Variants in HSPA12B observed in about 807,000 individuals in gnomAD.
The protein encoded by HSPA12B is heat shock protein family A (Hsp70) member 12B.
HSPA12B carries 54 observed loss-of-function variants against 69.3 expected under a neutral mutation model. The observed-to-expected ratio is 0.78, with a 90% confidence interval of 0.63 to 0.98. HSPA12B has a LOEUF of 0.98. Ranked by LOEUF, HSPA12B falls within the 50% of genes least tolerant of loss-of-function variation. HSPA12B has a pLI of 0.00. For missense variants in HSPA12B, 929 were observed against 999.8 expected (o/e 0.93, Z 0.96); for synonymous variants, 441 against 436.5 (o/e 1.01, Z -0.13).
chr20:3,734,355 G>C (rs1344675121), intron 1 of HSPA12B, among the ~76,000 whole-genome samples: 1 of 152,224 alleles, frequency 6.6e-6, no homozygotes, highest in Non-Finnish European at 1.5e-5. Context: ...CTGATGACTA[G>C]AGGTCAATAT....
Position 3,750,064 on chromosome 20 carries a change from CG to C in HSPA12B, c.1140del (p.Pro381ArgfsTer5). ...EDFIATFKRQRPAAWVDLTIA... is the reference protein window; with the variant it reads ...EDFIATFKRQXPAAWVDLTIA... ...CTTCATCGCCACCTTCAAAAGGCAACGGCCGGCAGCCTGGGTAGATCTGACC... is the reference window on the plus strand; with the variant it reads ...CTTCATCGCCACCTTCAAAAGGCAACGCCGGCAGCCTGGGTAGATCTGACC... On this transcript the variant is annotated frameshift_variant, in exon 11 of 13. Coordinates refer to ENST00000254963, the MANE Select transcript of HSPA12B (RefSeq NM_052970.5). LOFTEE classifies it high-confidence loss of function. 6.2e-7 allele frequency: 1 copy of C among 1,610,982 alleles called. No homozygotes were observed. The highest frequency in any genetic ancestry group is 8.5e-7 in the Non-Finnish European group (1 of 1,179,130).
In HSPA12B at chr20:3,744,906, T is replaced by C. The variant is rs140210757; in HGVS notation, c.271T>C (p.Trp91Arg). The change falls in exon 5 of 13, where the codon TGG (tryptophan) becomes CGG (arginine). Residue 91 changes from tryptophan (W) to arginine (R), a missense_variant. By Grantham distance (101) the Trp-to-Arg change is moderately radical. Around this residue, in one of 3 missense-constraint regions of HSPA12B, gnomAD observed 477 missense variants for 535.2 expected, o/e 0.89. Transcript: ENST00000254963. The surrounding 1 kb of genome is among the most constrained non-coding windows in gnomAD (Gnocchi z 4.9). ...DPEAIHMMRK[W>R]EGGDPGVAHQ... ...GACTGCCCTGTGCCTCCGCAGGAAA[T>C]GGGAGGGCGGAGACCCGGGCGTGGC... 376 of 1,612,168 alleles carry C rather than the reference T, an allele frequency of 2.3e-4. 4 individuals carry two copies. The African/African-American group carries it at 4.6e-3, about 20-fold the overall frequency.
At position 3,740,958 on chromosome 20, in the gene HSPA12B, G is replaced by A. The variant is rs1336647571; in HGVS notation, c.141+46G>A. 6.5e-7 allele frequency: 1 copy of A among 1,528,236 alleles called. No individual in the cohort carries two copies. The highest frequency in any genetic ancestry group is 1.8e-5 in the Admixed American group (1 of 56,362). 94.7% of individuals were successfully genotyped at this position (1,528,236 alleles called of 1,614,324 possible). A position where few individuals can be genotyped will look rare whatever the true frequency, so the allele number is the denominator to read the frequency against. Reference sequence around the variant, plus strand: ...AGGTGGTGGGTGACCTGGCTGGTGTGGACAGGGTCGTGCGTGGCAAAGTCA... The same window carrying A: ...AGGTGGTGGGTGACCTGGCTGGTGTAGACAGGGTCGTGCGTGGCAAAGTCA... On this transcript the variant is annotated intron_variant, in intron 3 of 12. Transcript: ENST00000254963. The surrounding 1 kb of genome is among the most constrained non-coding windows in gnomAD (Gnocchi z 4.9).
At chr20:3,748,528 C>A in intron 8 of HSPA12B, 137 bp downstream of exon 8, 2 of 838,872 alleles carry the variant, frequency 2.4e-6, no homozygotes, top group Non-Finnish European at 3.4e-6. Flanking sequence ...AGAAACATGG[C>A]TGGTGGAGCC....
At position 3,752,216 on chromosome 20, in the gene HSPA12B, C is replaced by G; in HGVS notation, c.*50C>G. On this transcript the variant is annotated 3_prime_UTR_variant, in exon 13 of 13. Coordinates refer to ENST00000254963, the MANE Select transcript of HSPA12B (RefSeq NM_052970.5). ...CCGTCTGCCCGGCCCCGCCCTCTTT[C>G]GGTTCAGGGGCCTGCGGAGCGGGTT... The G allele has an allele frequency of 7.0e-7, 1 of 1,423,784 alleles. No homozygotes were observed. The highest frequency in any genetic ancestry group is 1.5e-5 in the African/African-American group (1 of 66,884). 88.2% of individuals were successfully genotyped at this position (1,423,784 alleles called of 1,614,324 possible). A position where few individuals can be genotyped will look rare whatever the true frequency, so the allele number is the denominator to read the frequency against.
Position 3,742,375 on chromosome 20 carries a change from T to C in HSPA12B, c.233T>C (p.Phe78Ser). 6.2e-7 allele frequency: 1 copy of C among 1,613,912 alleles called. No homozygotes were observed. Among genetic ancestry groups the C allele is most frequent in the South Asian group, 1.1e-5 (1 of 91,064 alleles). Residue 78 changes from phenylalanine (F) to serine (S), a missense_variant, in exon 4 of 13, where the codon TTT (phenylalanine) becomes TCT (serine). By Grantham distance (155) the Phe-to-Ser change is radical. Around this residue, in one of 3 missense-constraint regions of HSPA12B, gnomAD observed 477 missense variants for 535.2 expected, o/e 0.89. Transcript: ENST00000254963. ...ACGTCTAGTGGCTATGCTTTCAGCT[T>C]TGCCAGTGACCCTGAGGCCATCCAC... ...GTTSSGYAFS[F>S]ASDPEAIHMM...
rs751778150 is a variant in HSPA12B at position 3,745,029 on chromosome 20, G to A, written c.394G>A (p.Glu132Lys). Residue 132 changes from glutamate to lysine, a missense_variant, in exon 5 of 13, where the codon GAA (glutamate) becomes AAA (lysine). Physicochemically the swap from Glu to Lys is moderately conservative, Grantham distance 56. Coordinates refer to ENST00000254963, the MANE Select transcript of HSPA12B (RefSeq NM_052970.5). The surrounding 1 kb of genome is among the most constrained non-coding windows in gnomAD (Gnocchi z 5.6). ...CGATTACTACCATGACCTGGACCCC[G>A]AAGAGGCGCGGGACTGGCTCTACTT... ...ARDYYHDLDP[E>K]EARDWLYFEK... is the part of the protein sequence containing the mutation. 6.2e-7 allele frequency: 1 copy of A among 1,613,998 alleles called. No individual in the cohort carries two copies. The highest frequency in any genetic ancestry group is 1.1e-5 in the South Asian group (1 of 91,086).
chr20:3,752,179 G>A lies in HSPA12B; in HGVS notation c.*13G>A. ...TCTTTCCAACTGAGGGCGCGCCGGC[G>A]CGGTGCCAGCGCCGTCTGCCCGGCC... On this transcript the variant is annotated 3_prime_UTR_variant, in exon 13 of 13. Transcript: ENST00000254963. 4 of 1,454,846 alleles carry A rather than the reference G, an allele frequency of 2.7e-6. No individual in the cohort carries two copies. Among genetic ancestry groups the A allele is most frequent in the Non-Finnish European group, 3.6e-6 (4 of 1,111,582 alleles). The allele number at this position is 1,454,846 out of a possible 1,614,324, so 90.1% of individuals were successfully genotyped here.
At position 3,751,695 on chromosome 20, in the gene HSPA12B, G is replaced by A. The variant is rs2088425313; in HGVS notation, c.1590G>A (p.Ala530=). 2 of 1,484,368 alleles carry A rather than the reference G, an allele frequency of 1.3e-6. No individual in the cohort carries two copies. Among genetic ancestry groups the A allele is most frequent in the South Asian group, 1.3e-5 (1 of 77,970 alleles). 91.9% of individuals were successfully genotyped at this position (1,484,368 alleles called of 1,614,324 possible). ...ILKGAVLFGQ[A]PGVVRVRRSP... ...AAGGCGCGGTGCTGTTCGGCCAGGC[G>A]CCGGGCGTGGTGCGGGTCCGCCGCT... The change falls in exon 13 of 13, where the codon GCG becomes GCA. Residue 530 remains alanine (A), a synonymous_variant. Coordinates refer to ENST00000254963, the MANE Select transcript of HSPA12B (RefSeq NM_052970.5).
At chr20:3,743,776 T>A (rs745724164) in intron 4 of HSPA12B, among the ~76,000 whole-genome samples, 2 of 152,118 alleles carry the variant, frequency 1.3e-5, no homozygotes, top group Non-Finnish European at 2.9e-5. Context: ...AGCAGTAATA[T>A]CCTTCTTTGA....
chr20:3,751,087 T>C (rs1463703117), intron 12 of HSPA12B, 180 bp downstream of exon 12: 2 of 419,608 alleles, frequency 4.8e-6, no homozygotes, highest in African/African-American at 4.3e-5. Flanking sequence ...GGTTGATATG[T>C]AGTCTTGCCA....
intron 8 of HSPA12B, 69 bp downstream of exon 8, chr20:3,748,460 C>G (rs1217773226): frequency 7.4e-7 from 1 of 1,357,688 alleles, no homozygotes; most frequent in East Asian, 2.9e-5. Context: ...GAAGCTCAGC[C>G]ATGTCTAGTA....
In HSPA12B at chr20:3,740,891, CCT is replaced by C. The variant is rs1568472992; in HGVS notation, c.122_123del (p.Leu41HisfsTer25). Reference sequence around the variant, plus strand: ...CCCAGGAAAGCTGCGGCATTGCCCCCCTCACACCCTCGCAGTCTCCAGTAAGC... The same window carrying C: ...CCCAGGAAAGCTGCGGCATTGCCCCCCACACCCTCGCAGTCTCCAGTAAGC... ...RTQESCGIAP[L>X]TPSQSPKPEV... On this transcript the variant is annotated frameshift_variant, in exon 3 of 13. Coordinates refer to ENST00000254963, the MANE Select transcript of HSPA12B (RefSeq NM_052970.5). LOFTEE classifies it high-confidence loss of function. The surrounding 1 kb of genome is among the most constrained non-coding windows in gnomAD (Gnocchi z 4.9). 6.2e-7 allele frequency: 1 copy of C among 1,613,304 alleles called. No individual in the cohort carries two copies. Among genetic ancestry groups the C allele is most frequent in the Admixed American group, 1.7e-5 (1 of 59,906 alleles).
chr20:3,748,147 C>T, intron 7 of HSPA12B, 70 bp from the exon 8 acceptor site: 1 of 1,361,122 alleles, frequency 7.3e-7, no homozygotes, highest in South Asian at 1.7e-5. Context: ...CGCGGTTCCC[C>T]ACCTCACAGT....
At chr20:3,739,396 G>A (rs924608128) in intron 2 of HSPA12B, among the ~76,000 whole-genome samples, 1 of 152,252 alleles carries the variant, frequency 6.6e-6, no homozygotes, top group African/African-American at 2.4e-5. Flanking sequence ...GTGCATGTGC[G>A]TCTGGCCATA....
At chr20:3,747,502 G>A (rs979079085) in intron 7 of HSPA12B, among the ~76,000 whole-genome samples, 1 of 152,154 alleles carries the variant, frequency 6.6e-6, no homozygotes, top group African/African-American at 2.4e-5. Flanking sequence ...CTGGGTAAAA[G>A]TCTCCATTCA....
In HSPA12B at chr20:3,740,018, C is replaced by T. The variant is rs2088171746; in HGVS notation, c.44-797C>T. On this transcript the variant is annotated intron_variant, in intron 2 of 12. Coordinates refer to ENST00000254963, the MANE Select transcript of HSPA12B (RefSeq NM_052970.5). The surrounding 1 kb of genome is among the most constrained non-coding windows in gnomAD (Gnocchi z 4.9). Reference sequence around the variant, plus strand: ...CCTGCCCCATAAGCCGCCTGATCCTCGGGGCGAGGCCTGGGGCTGTCCTCC... The same window carrying T: ...CCTGCCCCATAAGCCGCCTGATCCTTGGGGCGAGGCCTGGGGCTGTCCTCC... Among the ~76,000 whole-genome samples, 1 of 152,188 alleles carries T rather than the reference C, an allele frequency of 6.6e-6. No homozygotes were observed. The highest frequency in any genetic ancestry group is 2.1e-4 in the South Asian group (1 of 4,830).
At position 3,745,380 on chromosome 20, in the gene HSPA12B, G is replaced by T; in HGVS notation, c.454-113G>T. The T allele has an allele frequency of 1.3e-6, 1 of 787,424 alleles. No individual in the cohort carries two copies. The highest frequency in any genetic ancestry group is 2.2e-6 in the Non-Finnish European group (1 of 456,114). 48.8% of individuals were successfully genotyped at this position (787,424 alleles called of 1,614,324 possible). A position where few individuals can be genotyped will look rare whatever the true frequency, so the allele number is the denominator to read the frequency against. On this transcript the variant is annotated intron_variant, in intron 5 of 12. Coordinates refer to ENST00000254963, the MANE Select transcript of HSPA12B (RefSeq NM_052970.5). The surrounding 1 kb of genome is among the most constrained non-coding windows in gnomAD (Gnocchi z 5.6). ...ATGTCACATGGGGCAAGAGTGGGAC[G>T]GTGGTAAAGAGGAGGGGAAGCTCCA...
At position 3,745,698 on chromosome 20, in the gene HSPA12B, C is replaced by A; in HGVS notation, c.558+101C>A. 9.1e-7 allele frequency: 1 copy of A among 1,103,844 alleles called. No homozygotes were observed. Among genetic ancestry groups the A allele is most frequent in the South Asian group, 1.3e-5 (1 of 77,500 alleles). 68.4% of individuals were successfully genotyped at this position (1,103,844 alleles called of 1,614,324 possible). ...CCCGTCCCCGACATTGGATGGGTAG[C>A]CACCGCCGGAGCTCAGAGGTCATCT... On this transcript the variant is annotated intron_variant, in intron 6 of 12. Transcript: ENST00000254963. The surrounding 1 kb of genome is among the most constrained non-coding windows in gnomAD (Gnocchi z 5.6).
Sources: allele counts gnomAD v4.1 joint callset (sites outside exome capture counted in the v4.1 genomes callset), GRCh38; gene constraint gnomAD v4.1.1; regional missense constraint gnomAD v4.1.1; non-coding constraint Gnocchi (gnomAD v3.1); transcripts MANE v1.5; gene names NCBI Gene and HGNC (gene_info 2026-07-23, HGNC 2026-07-21).